RFPL2: variants seen among roughly 807,000 people sequenced by gnomAD.
RFPL2 encodes the protein ret finger protein like 2, also known as ret finger protein-like 2.
Under a neutral mutation model 17.8 loss-of-function variants are expected in RFPL2, and 13 were observed. That is an observed-to-expected ratio of 0.73 (90% CI 0.47 to 1.16). The LOEUF (loss-of-function observed/expected upper bound fraction) is 1.16. Ranked by LOEUF, RFPL2 falls within the 50% of genes most tolerant of loss-of-function variation. RFPL2 has a pLI of 0.00. For synonymous variants in RFPL2, 189 were observed against 180.9 expected (o/e 1.04, Z -0.36); for missense variants, 431 against 479.3 (o/e 0.90, Z 0.94).
intron 1 of RFPL2, chr22:32,202,977 C>T (rs1301038023): frequency 2.0e-6 from 2 of 985,830 alleles, no homozygotes; most frequent in Non-Finnish European, 2.4e-6. Flanking sequence ...GGCTGGGGCC[C>T]CTGCCGCGCT....
intron 2 of RFPL2, among the ~76,000 whole-genome samples, chr22:32,201,364 T>C (rs1312499178): frequency 2.0e-5 from 3 of 152,190 alleles, no homozygotes; most frequent in Non-Finnish European, 4.4e-5. Flanking sequence ...TATGAGAATA[T>C]GCAAAGCATT....
In RFPL2 at chr22:32,192,960, T is replaced by C. The variant is rs762938814; in HGVS notation, c.498A>G (p.Glu166=). 1 of 1,614,174 alleles carries C rather than the reference T, an allele frequency of 6.2e-7. No individual in the cohort carries two copies. The highest frequency in any genetic ancestry group is 1.1e-5 in the South Asian group (1 of 91,070). Residue 166 remains glutamate, a synonymous_variant, in exon 4 of 5, where the codon GAA becomes GAG. Coordinates refer to ENST00000652607, the MANE Select transcript of RFPL2 (RefSeq NM_001394555.1). ...QLERLASHIK[E]LEPKLKKILQ... ...GAATCTTCTTCAGCTTGGGCTCCAG[T>C]TCCTTGATGTGGGAAGCCAGCCTCT...
rs1437454066 is a variant in RFPL2 at position 32,190,647 on chromosome 22, A to G, written c.*125T>C. The G allele has an allele frequency of 1.0e-6, 1 of 993,970 alleles. No individual in the cohort carries two copies. The highest frequency in any genetic ancestry group is 2.9e-5 in the Admixed American group (1 of 34,690). 61.6% of individuals were successfully genotyped at this position (993,970 alleles called of 1,614,324 possible). A position where few individuals can be genotyped will look rare whatever the true frequency, so the allele number is the denominator to read the frequency against. ...ATCTAATCAAATTAGATTAAGTACA[A>G]TCAAGAAATGTCCCATATTTTTCTC... On this transcript the variant is annotated 3_prime_UTR_variant, in exon 5 of 5. Coordinates refer to ENST00000652607, the MANE Select transcript of RFPL2 (RefSeq NM_001394555.1).
chr22:32,197,342 G>A (rs547002983), intron 2 of RFPL2, among the ~76,000 whole-genome samples: 5 of 152,102 alleles, frequency 3.3e-5, no homozygotes, highest in Non-Finnish European at 7.3e-5. Flanking sequence ...AGTGCTGGCT[G>A]CAAAGAGCTT....
In RFPL2 at chr22:32,194,482, C is replaced by A. The variant is rs757136979; in HGVS notation, c.128G>T (p.Arg43Met). Residue 43 changes from arginine (R) to methionine (M), a missense_variant, in exon 3 of 5, where the codon AGG becomes ATG. Transcript: ENST00000652607. Reference protein sequence around the residue: ...MMVIRSLSLIRLEGVEGRDPV... With the variant: ...MMVIRSLSLIMLEGVEGRDPV... ...GTCACGCCCTTCCACACCCTCTAAC[C>A]TGATGAGGCTTTGATTTAATTATAA... 1.2e-6 allele frequency: 2 copies of A among 1,610,722 alleles called. No individual in the cohort carries two copies. Among genetic ancestry groups the A allele is most frequent in the African/African-American group, 2.7e-5 (2 of 74,916 alleles).
chr22:32,201,550 G>A (rs1048543854), intron 2 of RFPL2, among the ~76,000 whole-genome samples: 2 of 152,180 alleles, frequency 1.3e-5, no homozygotes, highest in African/African-American at 2.4e-5. Flanking sequence ...AGGACATGGC[G>A]ATTCTCTCAG....
In RFPL2 at chr22:32,202,471, C is replaced by T; in HGVS notation, c.-20G>A. 6.4e-7 allele frequency: 1 copy of T among 1,571,470 alleles called. No homozygotes were observed. The highest frequency in any genetic ancestry group is 8.6e-7 in the Non-Finnish European group (1 of 1,158,154). On this transcript the variant is annotated 5_prime_UTR_variant, in exon 2 of 5. Coordinates refer to ENST00000652607, the MANE Select transcript of RFPL2 (RefSeq NM_001394555.1). ...CTCCATCGGAGGCAAATCATGGTGCCACAGGCTCTAGCCTCCAGCCCGTGG... is the reference window on the plus strand; with the variant it reads ...CTCCATCGGAGGCAAATCATGGTGCTACAGGCTCTAGCCTCCAGCCCGTGG...
chr22:32,203,139 A>C, intron 1 of RFPL2: 114 of 949,194 alleles, frequency 1.2e-4, no homozygotes, highest in Non-Finnish European at 1.3e-4. Flanking sequence ...CCCCTAACTC[A>C]TCCGTGCCTA....
chr22:32,193,161 G>A lies in RFPL2; in HGVS notation c.297C>T (p.Ser99=). The A allele has an allele frequency of 3.7e-6, 6 of 1,613,970 alleles. No homozygotes were observed. The highest frequency in any genetic ancestry group is 5.1e-6 in the Non-Finnish European group (6 of 1,179,876). Residue 99 remains serine (S), a synonymous_variant, in exon 4 of 5, where the codon AGC becomes AGT. Transcript: ENST00000652607. ...GATAGTCTGAGCAGACGGGACAGCT[G>A]CTTGCTTCTTGGAAGAGTGCAGCCA... ...VDMAALFQEA[S]SCPVCSDYLE...
intron 2 of RFPL2, among the ~76,000 whole-genome samples, chr22:32,194,747 T>G (rs187097097): frequency 2.0e-5 from 3 of 152,350 alleles, no homozygotes; most frequent in Admixed American, 6.5e-5. Context: ...CCTAAAGTAT[T>G]AAGTGTGATT....
At position 32,202,517 on chromosome 22, in the gene RFPL2, C is replaced by A; in HGVS notation, c.-66G>T. On this transcript the variant is annotated 5_prime_UTR_variant, in exon 2 of 5. Coordinates refer to ENST00000652607, the MANE Select transcript of RFPL2 (RefSeq NM_001394555.1). ...CGTGGCATGTAGCTCCTTCTCAGGG[C>A]ACTGGGCATCCGGGCAGACAAAGCC... The A allele has an allele frequency of 1.3e-6, 2 of 1,547,762 alleles. No individual in the cohort carries two copies. Among genetic ancestry groups the A allele is most frequent in the East Asian group, 2.4e-5 (1 of 40,948 alleles).
intron 4 of RFPL2, among the ~76,000 whole-genome samples, chr22:32,192,526 C>G (rs1922784741): frequency 6.6e-6 from 1 of 152,208 alleles, no homozygotes; most frequent in Non-Finnish European, 1.5e-5. Flanking sequence ...TCCTGGGAAC[C>G]TTTGCTAGAG....
At chr22:32,204,154 C>T (rs1467612887) in intron 1 of RFPL2, among the ~76,000 whole-genome samples, 2 of 149,306 alleles carry the variant, frequency 1.3e-5, no homozygotes, top group Admixed American at 6.6e-5. Context: ...CCCGATAACG[C>T]CCCAACACGC....
intron 2 of RFPL2, among the ~76,000 whole-genome samples, chr22:32,197,384 A>G (rs62239005): frequency 0.054 from 8,176 of 151,980 alleles, 274 homozygotes; most frequent in Non-Finnish European, 0.082. Context: ...CCAGAAGCCA[A>G]GTTCTTTTTT....
At chr22:32,192,202 G>A (rs551100858) in intron 4 of RFPL2, among the ~76,000 whole-genome samples, 5 of 152,260 alleles carry the variant, frequency 3.3e-5, no homozygotes, top group African/African-American at 9.6e-5. Context: ...TACCAGTGTC[G>A]GGGACATCAT....
At chr22:32,201,678 G>A (rs1277163204) in intron 2 of RFPL2, among the ~76,000 whole-genome samples, 2 of 152,200 alleles carry the variant, frequency 1.3e-5, no homozygotes, top group South Asian at 2.1e-4. Flanking sequence ...GACTTTCTCT[G>A]TGAGGCTCCC....
At chr22:32,193,220 A>C (rs371826420) in intron 3 of RFPL2, 28 bp from the exon 4 acceptor site, 2 of 1,613,942 alleles carry the variant, frequency 1.2e-6, no homozygotes, top group Non-Finnish European at 1.7e-6. Flanking sequence ...CACAAGGTAA[A>C]AAAATTTCCA....
At chr22:32,202,980 GC>G in intron 1 of RFPL2, 1 of 985,924 alleles carries the variant, frequency 1.0e-6, no homozygotes, top group Non-Finnish European at 1.2e-6. Context: ...TGGGGCCCCT[GC>G]CGCGCTCAGG....
rs569398693 is a variant in RFPL2 at position 32,201,017 on chromosome 22, G to C, written c.119+1316C>G. Among the ~76,000 whole-genome samples the C allele has an allele frequency of 2.0e-5, 3 of 151,394 alleles. No individual in the cohort carries two copies. In the South Asian group the frequency reaches 6.3e-4, roughly 32 times the overall value. On this transcript the variant is annotated intron_variant, in intron 2 of 4. Transcript: ENST00000652607. ...CTCCGCAGGAAACAGTGCAAGGAGG[G>C]TAATAGGTGTTCCCTTATTTCCTTT...
Sources: allele counts gnomAD v4.1 joint callset (sites outside exome capture counted in the v4.1 genomes callset), GRCh38; gene constraint gnomAD v4.1.1; transcripts MANE v1.5; gene names NCBI Gene and HGNC (gene_info 2026-07-23, HGNC 2026-07-21).